The following HLTF variants were observed in gnomAD, a reference collection of about 807,000 sequenced individuals.
HLTF encodes the protein DNA-dependent ATPase/E3 ubiquitin-protein ligase HLTF.
Under a neutral mutation model 129.4 loss-of-function variants are expected in HLTF, and 127 were observed. The observed-to-expected ratio is 0.98, with a 90% confidence interval of 0.85 to 1.14. The LOEUF (loss-of-function observed/expected upper bound fraction) is 1.14. Among genes scored for constraint, HLTF ranks in the 50% most tolerant of loss-of-function variants. HLTF has a pLI of 0.00. For synonymous variants in HLTF, 332 were observed against 388.8 expected (o/e 0.85, Z 1.72); for missense variants, 1,139 against 1,187.1 (o/e 0.96, Z 0.60).
chr3:149,037,464 T>C (rs1398104590), intron 23 of HLTF, among the ~76,000 whole-genome samples: 1 of 118,364 alleles, frequency 8.4e-6, no homozygotes. Context: ...CAAGACTCTG[T>C]CTCAAAAAAA....
intron 2 of HLTF, among the ~76,000 whole-genome samples, chr3:149,083,209 C>T (rs1432645649): frequency 6.6e-6 from 1 of 151,890 alleles, no homozygotes; most frequent in African/African-American, 2.4e-5. Context: ...CAAGATTGCA[C>T]CATTGCACTC....
intron 2 of HLTF, among the ~76,000 whole-genome samples, chr3:149,084,332 C>T (rs1301369774): frequency 2.0e-5 from 3 of 149,086 alleles, no homozygotes; most frequent in Non-Finnish European, 4.4e-5. Context: ...ACATAAGAAA[C>T]ATACGGAGAA....
rs1714922997 is a variant in HLTF, at chr3:149,030,539, T to C, written c.*1681A>G. The C allele has an allele frequency of 6.6e-6, 1 of 152,234 alleles. No individual in the cohort carries two copies. Among genetic ancestry groups the C allele is most frequent in the Admixed American group, 6.5e-5 (1 of 15,292 alleles). 9.4% of individuals were successfully genotyped at this position (152,234 alleles called of 1,614,324 possible). A position where few individuals can be genotyped will look rare whatever the true frequency, so the allele number is the denominator to read the frequency against. ...GTCTTTGTAAGCAGAAAGAGTAGAC[T>C]GTGTTGTTTTTTGCCAAAAACTGTT... is the stretch of plus-strand genomic sequence containing the variant. On this transcript the variant is annotated 3_prime_UTR_variant, in exon 25 of 25. Coordinates refer to ENST00000310053, the MANE Select transcript of HLTF (RefSeq NM_003071.4).
At position 149,048,917 on chromosome 3, in the gene HLTF, G is replaced by A; in HGVS notation, c.1702C>T (p.Gln568Ter). 2 of 1,613,162 alleles carry A rather than the reference G, an allele frequency of 1.2e-6. No individual in the cohort carries two copies. Among genetic ancestry groups the A allele is most frequent in the Non-Finnish European group, 1.7e-6 (2 of 1,179,296 alleles). ...EGHAIRNPNA[Q>*]QTKAVLDLES... ...AAGTCAAGTACAGCTTTTGTCTGCT[G>A]AGCATTTGGATTTCGTATGGCATGT... is the stretch of plus-strand genomic sequence containing the variant. Residue 568 changes from glutamine (Q) to a stop codon, truncating the protein, a stop_gained, in exon 16 of 25, where the codon CAG (glutamine) becomes TAG (stop). Transcript: ENST00000310053. LOFTEE classifies it high-confidence loss of function.
intron 23 of HLTF, among the ~76,000 whole-genome samples, chr3:149,035,278 T>A (rs576963660): frequency 2.0e-5 from 3 of 152,272 alleles, no homozygotes; most frequent in South Asian, 4.1e-4. Context: ...CAATTTGGTT[T>A]TTTTTTTCAT....
rs760838222 is a variant in HLTF at position 149,063,393 on chromosome 3, A to G, written c.1160+38T>C. The G allele has an allele frequency of 3.1e-6, 4 of 1,292,706 alleles. No individual in the cohort carries two copies. The East Asian group carries it at 9.2e-5, about 30-fold the overall frequency. The allele number at this position is 1,292,706 out of a possible 1,614,324, so 80.1% of individuals were successfully genotyped here. On this transcript the variant is annotated intron_variant, in intron 10 of 24. Coordinates refer to ENST00000310053, the MANE Select transcript of HLTF (RefSeq NM_003071.4). The stretch of plus-strand genomic sequence containing the variant: ...TTTTACACATAAGAAAACAGAGTCT[A>G]AATAAACATATGACATAATCAAACC...
In HLTF at chr3:149,032,392, AGTT is replaced by A; in HGVS notation, c.2878-23_2878-21del. 7.2e-7 allele frequency: 1 copy of A among 1,389,554 alleles called. No individual in the cohort carries two copies. Among genetic ancestry groups the A allele is most frequent in the Non-Finnish European group, 9.7e-7 (1 of 1,033,700 alleles). The allele number at this position is 1,389,554 out of a possible 1,614,324, so 86.1% of individuals were successfully genotyped here. ...AATGAACTTTAAAAAGAAAAAAAAA[AGTT>A]AAGTAGTTTTTAAGGCATAGTATTT... On this transcript the variant is annotated intron_variant, in intron 24 of 24. Transcript: ENST00000310053.
intron 3 of HLTF, 58 bp from the exon 4 acceptor site, chr3:149,074,406 T>A: frequency 3.4e-6 from 5 of 1,478,076 alleles, no homozygotes; most frequent in Non-Finnish European, 4.6e-6. Context: ...TTATCCCCAC[T>A]AAGAATTAGT....
Position 149,046,061 on chromosome 3 carries a change from T to C in HLTF, c.2072+19A>G. ...AGTAAACAAAAACTAATTTTTAACA[T>C]GGTTTTCTTTCTCCATACCTTCCAA... On this transcript the variant is annotated intron_variant, in intron 18 of 24. Coordinates refer to ENST00000310053, the MANE Select transcript of HLTF (RefSeq NM_003071.4). The C allele has an allele frequency of 6.4e-7, 1 of 1,569,598 alleles. No homozygotes were observed. Among genetic ancestry groups the C allele is most frequent in the Non-Finnish European group, 8.6e-7 (1 of 1,157,760 alleles).
intron 18 of HLTF, among the ~76,000 whole-genome samples, chr3:149,045,639 C>T (rs926185320): frequency 1.3e-5 from 2 of 152,182 alleles, no homozygotes; most frequent in African/African-American, 4.8e-5. Context: ...TCCCCTTTCA[C>T]AGTCCTATTC....
At chr3:149,073,136 C>T in intron 5 of HLTF, 89 bp downstream of exon 5, 1 of 687,480 alleles carries the variant, frequency 1.5e-6, no homozygotes, top group Non-Finnish European at 2.4e-6. Flanking sequence ...CACAAATACC[C>T]ACACGTACAT....
At chr3:149,071,730 G>T in intron 5 of HLTF, 73 bp from the exon 6 acceptor site, 2 of 967,252 alleles carry the variant, frequency 2.1e-6, no homozygotes, top group Non-Finnish European at 3.2e-6. Flanking sequence ...AGTCAGATTT[G>T]AAATCATTTA....
At chr3:149,068,122 A>G in intron 8 of HLTF, 118 bp downstream of exon 8, 1 of 577,040 alleles carries the variant, frequency 1.7e-6, no homozygotes, top group African/African-American at 1.9e-5. Flanking sequence ...AAAGACAGAG[A>G]GACCATTCAT....
chr3:149,083,077 C>T (rs1720011745), intron 2 of HLTF, among the ~76,000 whole-genome samples: 1 of 152,034 alleles, frequency 6.6e-6, no homozygotes, highest in African/African-American at 2.4e-5. Flanking sequence ...CATGGCAAAA[C>T]CTCATCTCTC....
At chr3:149,076,534 C>A (rs2108058924) in intron 2 of HLTF, among the ~76,000 whole-genome samples, 1 of 152,240 alleles carries the variant, frequency 6.6e-6, no homozygotes, top group Middle Eastern at 3.4e-3. Context: ...GGTAGCAGAG[C>A]TAGGATCTGA....
chr3:149,068,179 A>C (rs1198689712), intron 8 of HLTF, 61 bp downstream of exon 8: 7 of 703,616 alleles, frequency 9.9e-6, no homozygotes, highest in Non-Finnish European at 1.7e-5. Flanking sequence ...TTAATGATGA[A>C]ATTTAAAGAT....
intron 8 of HLTF, among the ~76,000 whole-genome samples, chr3:149,066,066 G>A (rs1252910119): frequency 6.7e-6 from 1 of 149,078 alleles, no homozygotes; most frequent in Non-Finnish European, 1.5e-5. Flanking sequence ...TTTTTTCTGA[G>A]ACAGAGTTTC....
Position 149,063,241 on chromosome 3 carries a change from T to C in HLTF, c.1160+190A>G, listed in dbSNP as rs544507576. Among the ~76,000 whole-genome samples, 3 of 152,224 alleles carry C rather than the reference T, an allele frequency of 2.0e-5. No individual in the cohort carries two copies. In the South Asian group the frequency reaches 6.2e-4, roughly 32 times the overall value. ...CGCCTGGCTAATTTTTGTCTATTTT[T>C]AGTAGAGACGGGGTTTCACTGTGTT... On this transcript the variant is annotated intron_variant, in intron 10 of 24. Transcript: ENST00000310053.
At position 149,068,169 on chromosome 3, in the gene HLTF, T is replaced by C. The variant is rs368999731; in HGVS notation, c.990+71A>G. 2.8e-5 allele frequency: 18 copies of C among 653,056 alleles called. 1 individual carries two copies. Among genetic ancestry groups the C allele is most frequent in the East Asian group, 8.2e-5 (3 of 36,568 alleles). The allele number at this position is 653,056 out of a possible 1,614,324, so 40.5% of individuals were successfully genotyped here. ...AAACACAATTTCTTGGTAGTTTTTTTTAATGATGAAATTTAAAGATTTCAC... is the reference window on the plus strand; with the variant it reads ...AAACACAATTTCTTGGTAGTTTTTTCTAATGATGAAATTTAAAGATTTCAC... On this transcript the variant is annotated intron_variant, in intron 8 of 24. Transcript: ENST00000310053.
Sources: allele counts gnomAD v4.1 joint callset (sites outside exome capture counted in the v4.1 genomes callset), GRCh38; gene constraint gnomAD v4.1.1; transcripts MANE v1.5; gene names NCBI Gene and HGNC (gene_info 2026-07-23, HGNC 2026-07-21).